GALNTL6: variants seen among roughly 807,000 people sequenced by gnomAD.
GALNTL6 encodes polypeptide N-acetylgalactosaminyltransferase-like 6.
GALNTL6 carries 46 observed loss-of-function variants against 73.7 expected under a neutral mutation model. The observed-to-expected ratio is 0.62, with a 90% CI of 0.49 to 0.80. GALNTL6 has a LOEUF of 0.80. Among genes scored for constraint, GALNTL6 ranks in the 30% least tolerant of loss-of-function variants. GALNTL6 has a pLI of 0.00. For synonymous variants in GALNTL6, 259 were observed against 263.7 expected (o/e 0.98, Z 0.17); for missense variants, 604 against 755.0 (o/e 0.80, Z 2.34).
intron 5 of GALNTL6, among the ~76,000 whole-genome samples, chr4:172,472,231 A>T (rs1005998574): frequency 2.6e-5 from 4 of 152,152 alleles, no homozygotes; most frequent in Admixed American, 2.0e-4. Context: ...TTCTAGTTTG[A>T]TTCTCATGCT....
At chr4:171,985,967 G>A (rs556032519) in intron 2 of GALNTL6, among the ~76,000 whole-genome samples, 2 of 148,376 alleles carry the variant, frequency 1.3e-5, no homozygotes, top group African/African-American at 5.0e-5. Flanking sequence ...GAATCCAGGA[G>A]GCGGAGGTTG....
chr4:172,412,121 C>T (rs978790634), intron 5 of GALNTL6, among the ~76,000 whole-genome samples: 1 of 152,096 alleles, frequency 6.6e-6, no homozygotes, highest in Non-Finnish European at 1.5e-5. Context: ...CAGCTCACTG[C>T]AGCCTCAACC....
intron 9 of GALNTL6, among the ~76,000 whole-genome samples, chr4:172,945,085 A>G (rs968944995): frequency 2.0e-5 from 3 of 152,012 alleles, no homozygotes; most frequent in African/African-American, 7.2e-5. Context: ...AAAAAAAAGA[A>G]TACTATAAGA....
At chr4:172,355,770 T>C (rs1250228426) in intron 5 of GALNTL6, among the ~76,000 whole-genome samples, 1 of 152,144 alleles carries the variant, frequency 6.6e-6, no homozygotes. Context: ...CTCATTTAGT[T>C]GTCATTTTTC....
chr4:172,777,823 G>A (rs7686162), intron 5 of GALNTL6, among the ~76,000 whole-genome samples: 6,759 of 152,052 alleles, frequency 0.044, 262 homozygotes, highest in African/African-American at 0.1. Context: ...ATTATAACCC[G>A]TAATTACAAC....
chr4:171,817,479 C>T (rs1734552571), intron 2 of GALNTL6, among the ~76,000 whole-genome samples: 1 of 151,148 alleles, frequency 6.6e-6, no homozygotes, highest in Admixed American at 6.6e-5. Context: ...ACTAATTCTG[C>T]AATCTGAAGT....
intron 4 of GALNTL6, among the ~76,000 whole-genome samples, chr4:172,334,980 T>C (rs1336047699): frequency 1.3e-5 from 2 of 151,854 alleles, no homozygotes; most frequent in African/African-American, 4.8e-5. Flanking sequence ...TATAATCATA[T>C]GACTTTTTTT....
chr4:172,285,823 A>T (rs1739224682), intron 3 of GALNTL6, among the ~76,000 whole-genome samples: 1 of 152,186 alleles, frequency 6.6e-6, no homozygotes, highest in African/African-American at 2.4e-5. Context: ...AATGGAGTTT[A>T]CTTTCTTGCC....
chr4:172,916,347 T>A (rs1360683242), intron 8 of GALNTL6, among the ~76,000 whole-genome samples: 1 of 151,522 alleles, frequency 6.6e-6, no homozygotes, highest in Non-Finnish European at 1.5e-5. Flanking sequence ...AAGACAGGGA[T>A]GCCCTCTCTC....
At chr4:172,648,479 G>T (rs1183524222) in intron 5 of GALNTL6, among the ~76,000 whole-genome samples, 4 of 152,070 alleles carry the variant, frequency 2.6e-5, no homozygotes, top group African/African-American at 7.2e-5. Flanking sequence ...AATCCTTTAT[G>T]AATATGAATT....
At chr4:171,873,447 A>C (rs1736190684) in intron 2 of GALNTL6, among the ~76,000 whole-genome samples, 1 of 152,192 alleles carries the variant, frequency 6.6e-6, no homozygotes, top group East Asian at 1.9e-4. Context: ...AATTTGCTTT[A>C]AATCAAGAGA....
At chr4:171,974,970 G>A (rs1034226422) in intron 2 of GALNTL6, among the ~76,000 whole-genome samples, 1 of 151,998 alleles carries the variant, frequency 6.6e-6, no homozygotes, top group African/African-American at 2.4e-5. Context: ...ATTTTTTGTA[G>A]GCTTTATAAT....
chr4:172,130,603 T>C (rs72994118), intron 2 of GALNTL6, among the ~76,000 whole-genome samples: 1,624 of 152,220 alleles, frequency 0.011, 32 homozygotes, highest in African/African-American at 0.036. Context: ...AGTTAACATA[T>C]AATATTAACA....
chr4:172,976,974 T>C (rs1374056745), intron 10 of GALNTL6, among the ~76,000 whole-genome samples: 1 of 152,258 alleles, frequency 6.6e-6, no homozygotes, highest in African/African-American at 2.4e-5. Flanking sequence ...TCAGTGCATT[T>C]GGTCTCAGAA....
intron 5 of GALNTL6, among the ~76,000 whole-genome samples, chr4:172,721,915 A>G (rs1735496884): frequency 6.6e-6 from 1 of 152,040 alleles, no homozygotes; most frequent in African/African-American, 2.4e-5. Flanking sequence ...TGCCAGCATC[A>G]TTAGGGCTTT....
intron 5 of GALNTL6, among the ~76,000 whole-genome samples, chr4:172,808,573 C>T (rs1328368035): frequency 1.3e-5 from 2 of 152,138 alleles, no homozygotes; most frequent in South Asian, 2.1e-4. Flanking sequence ...TACATAACCC[C>T]GGAAAGGCAG....
intron 2 of GALNTL6, among the ~76,000 whole-genome samples, chr4:171,947,758 A>G (rs1183496363): frequency 6.6e-6 from 1 of 152,126 alleles, no homozygotes; most frequent in Non-Finnish European, 1.5e-5. Flanking sequence ...GTATTATTCA[A>G]TCAACTCACC....
intron 5 of GALNTL6, among the ~76,000 whole-genome samples, chr4:172,639,685 A>C (rs1218495482): frequency 6.6e-6 from 1 of 151,952 alleles, no homozygotes; most frequent in Non-Finnish European, 1.5e-5. Context: ...CTCTCAGCTG[A>C]TGTCCTTGTT....
chr4:172,102,174 A>C (rs1044836853), intron 2 of GALNTL6, among the ~76,000 whole-genome samples: 14 of 152,208 alleles, frequency 9.2e-5, no homozygotes, highest in African/African-American at 3.4e-4. Context: ...GGGAATATAT[A>C]ACCCAGTGGA....
Sources: gnomAD v4.1 joint callset for allele counts (sites outside exome capture counted in the v4.1 genomes callset) on GRCh38, gnomAD v4.1.1 for gene constraint, MANE v1.5 for transcripts, NCBI Gene and HGNC (gene_info 2026-07-23, HGNC 2026-07-21) for gene names.